NTRK3: variants seen among roughly 807,000 people sequenced by gnomAD.
NTRK3 encodes the protein NT-3 growth factor receptor.
A neutral mutation model predicts 91.7 loss-of-function variants in NTRK3; 24 were observed. The ratio of observed to expected loss-of-function variants is 0.26; its 90% CI spans 0.19 to 0.37. The LOEUF (loss-of-function observed/expected upper bound fraction) is 0.37, where lower values mean the gene tolerates loss of function less well. Among genes scored for constraint, NTRK3 ranks in the 10% least tolerant of loss-of-function variants. The pLI is 1.00. For synonymous variants in NTRK3, 483 were observed against 404.0 expected, an observed-to-expected ratio of 1.20 and a Z score of -2.34; for missense variants, 880 against 1,068.9, an observed-to-expected ratio of 0.82 and a Z score of 2.46.
intron 13 of NTRK3, among the ~76,000 whole-genome samples, chr15:88,050,486 CGTGTGTGT>C (rs55943475): frequency 5.6e-4 from 81 of 144,260 alleles, no homozygotes; most frequent in African/African-American, 1.7e-3. Flanking sequence ...CAATATATAC[CGTGTGTGT>C]GTGTGTGTGT....
At chr15:88,116,480 C>G (rs987251297) in intron 13 of NTRK3, among the ~76,000 whole-genome samples, 2 of 151,818 alleles carry the variant, frequency 1.3e-5, no homozygotes, top group Non-Finnish European at 2.9e-5. Context: ...ATCTTATAGT[C>G]ACAAAATCCC....
At chr15:88,074,731 C>A (rs1462285324) in intron 13 of NTRK3, among the ~76,000 whole-genome samples, 1 of 152,184 alleles carries the variant, frequency 6.6e-6, no homozygotes, top group African/African-American at 2.4e-5. Flanking sequence ...CCATTTCTAC[C>A]ATCAAACTAG....
In NTRK3 at chr15:88,255,845, TG is replaced by T; in HGVS notation, c.248+60del. 7.0e-7 allele frequency: 1 copy of T among 1,419,232 alleles called. No individual in the cohort carries two copies. Among genetic ancestry groups the T allele is most frequent in the Non-Finnish European group, 9.3e-7 (1 of 1,069,770 alleles). The allele number at this position is 1,419,232 out of a possible 1,614,324, so 87.9% of individuals were successfully genotyped here. ...CGGAGGGCCGGCTCCCGGCCGCGGG[TG>T]GGCAGGAGGGAGACGCAGAGCGCGG... On this transcript the variant is annotated intron_variant, in intron 3 of 18. Coordinates refer to ENST00000394480, the Ensembl canonical transcript of NTRK3. The surrounding 1 kb of genome is among the most constrained non-coding windows in gnomAD (Gnocchi z 4.3).
intron 14 of NTRK3, among the ~76,000 whole-genome samples, chr15:87,989,324 T>TA (rs2075099158): frequency 1.3e-5 from 2 of 152,140 alleles, no homozygotes; most frequent in Non-Finnish European, 2.9e-5. Context: ...TAAGCAGCCA[T>TA]AAAAAATGAT....
intron 17 of NTRK3, among the ~76,000 whole-genome samples, chr15:87,906,830 T>C (rs868733384): frequency 3.9e-5 from 6 of 152,182 alleles, no homozygotes; most frequent in Middle Eastern, 3.2e-3. Flanking sequence ...GCTTTCCTTC[T>C]CTCTTAAGAA....
chr15:87,893,721 G>C (rs926034316), intron 17 of NTRK3, among the ~76,000 whole-genome samples: 1 of 152,168 alleles, frequency 6.6e-6, no homozygotes, highest in African/African-American at 2.4e-5. Flanking sequence ...TCACTGAGAG[G>C]TTCAAAACAT....
chr15:88,179,901 G>A (rs558309819), intron 5 of NTRK3, among the ~76,000 whole-genome samples: 3 of 152,316 alleles, frequency 2.0e-5, no homozygotes, highest in African/African-American at 4.8e-5. Context: ...GAAGAAAGAC[G>A]CTGGAGAATA....
At chr15:88,024,198 T>C (rs966334650) in intron 14 of NTRK3, among the ~76,000 whole-genome samples, 1 of 152,198 alleles carries the variant, frequency 6.6e-6, no homozygotes, top group Admixed American at 6.5e-5. Flanking sequence ...TTGCACACTC[T>C]GATGTCCCAG....
At chr15:88,058,758 T>C (rs1475778267) in intron 13 of NTRK3, among the ~76,000 whole-genome samples, 1 of 152,130 alleles carries the variant, frequency 6.6e-6, no homozygotes, top group Non-Finnish European at 1.5e-5. Flanking sequence ...CAGGGTCATG[T>C]TCAGGAAAGC....
intron 14 of NTRK3, among the ~76,000 whole-genome samples, chr15:87,957,513 C>A (rs1278652904): frequency 2.0e-5 from 3 of 152,132 alleles, no homozygotes; most frequent in African/African-American, 7.2e-5. Flanking sequence ...TGTCCTATAG[C>A]ACAGTGTTGT....
chr15:88,037,196 T>A (rs1567269917), intron 13 of NTRK3, among the ~76,000 whole-genome samples: 1 of 152,052 alleles, frequency 6.6e-6, no homozygotes, highest in Non-Finnish European at 1.5e-5. Context: ...ATGTGGGCAT[T>A]AGAAGGGGAG....
chr15:87,955,359 T>A (rs1238640408), intron 14 of NTRK3, among the ~76,000 whole-genome samples: 1 of 152,184 alleles, frequency 6.6e-6, no homozygotes, highest in Non-Finnish European at 1.5e-5. Context: ...GCCATAGGTG[T>A]TTAACTGGGG....
chr15:88,103,644 C>T (rs2050399286), intron 13 of NTRK3, among the ~76,000 whole-genome samples: 1 of 152,144 alleles, frequency 6.6e-6, no homozygotes, highest in South Asian at 2.1e-4. Flanking sequence ...GTCATCCACT[C>T]TCAGTAAGAC....
chr15:88,213,246 C>T (rs1409244449), intron 3 of NTRK3, among the ~76,000 whole-genome samples: 1 of 152,154 alleles, frequency 6.6e-6, no homozygotes. Context: ...GAAACAGAGG[C>T]CCACCAGGAT....
intron 5 of NTRK3, among the ~76,000 whole-genome samples, chr15:88,178,295 C>T (rs954465893): frequency 3.9e-5 from 6 of 152,208 alleles, no homozygotes. Context: ...ATTTATAATA[C>T]ATAATAAATC....
intron 14 of NTRK3, among the ~76,000 whole-genome samples, chr15:87,941,468 C>T (rs1163508378): frequency 7.6e-6 from 1 of 130,908 alleles, no homozygotes; most frequent in African/African-American, 2.7e-5. Flanking sequence ...CACACACATA[C>T]ACATACACAC....
chr15:88,161,264 A>G (rs74027781), intron 5 of NTRK3, among the ~76,000 whole-genome samples: 2,185 of 152,318 alleles, frequency 0.014, 62 homozygotes, highest in African/African-American at 0.05. Context: ...AGGAGATTAC[A>G]GAGCAAGTGA....
chr15:88,051,999 T>C (rs1012782804), intron 13 of NTRK3, among the ~76,000 whole-genome samples: 6 of 152,238 alleles, frequency 3.9e-5, no homozygotes, highest in African/African-American at 7.2e-5. Flanking sequence ...ATTGAAAGAC[T>C]GGCTAACTCT....
intron 14 of NTRK3, among the ~76,000 whole-genome samples, chr15:87,954,046 G>A (rs2071419985): frequency 7.0e-6 from 1 of 141,962 alleles, no homozygotes; most frequent in Non-Finnish European, 1.5e-5. Flanking sequence ...GTGTGTGTGT[G>A]TGTGTGTGTG....
Sources: gnomAD v4.1 joint callset for allele counts (sites outside exome capture counted in the v4.1 genomes callset) on GRCh38, gnomAD v4.1.1 for gene constraint, Gnocchi (gnomAD v3.1) non-coding constraint, MANE v1.5 for transcripts, NCBI Gene and HGNC (gene_info 2026-07-23, HGNC 2026-07-21) for gene names.